Variants in LYPD6B observed in about 807,000 individuals in gnomAD.
LYPD6B encodes ly6/PLAUR domain-containing protein 6B.
LYPD6B carries 17 observed loss-of-function variants against 22.8 expected under a neutral mutation model. That is an observed-to-expected ratio of 0.75 (90% CI 0.51 to 1.12). LYPD6B has a LOEUF of 1.12. Ranked by LOEUF, LYPD6B falls within the 50% of genes most tolerant of loss-of-function variation. The probability of loss-of-function intolerance (pLI) is 0.00; values close to 1 mark genes in which losing one functional copy is unlikely to be tolerated. For synonymous variants in LYPD6B, 106 were observed against 91.6 expected, an observed-to-expected ratio of 1.16 and a Z score of -0.90; for missense variants, 221 against 258.3, an observed-to-expected ratio of 0.86 and a Z score of 0.99.
intron 1 of LYPD6B, among the ~76,000 whole-genome samples, chr2:149,072,033 A>G (rs904786755): frequency 3.3e-5 from 5 of 151,992 alleles, no homozygotes; most frequent in Admixed American, 6.6e-5. Flanking sequence ...CCAGGTTCAC[A>G]TGAGTCTCCT....
chr2:149,146,073 A>G (rs1689001764), intron 2 of LYPD6B, among the ~76,000 whole-genome samples: 1 of 152,216 alleles, frequency 6.6e-6, no homozygotes, highest in Non-Finnish European at 1.5e-5. Flanking sequence ...GATATTCATT[A>G]AGCTTCTATT....
rs576872999 is a variant in LYPD6B, at chr2:149,055,033, T to C, written c.-67+16232T>C. ...GAATTTTATAATTTCAGCTCTTCCA[T>C]GTAGATATTTGATCTATTTTTAGTC... On this transcript the variant is annotated intron_variant, in intron 1 of 6. Transcript: ENST00000409642. Among the ~76,000 whole-genome samples, 11 of 152,330 alleles carry C rather than the reference T, an allele frequency of 7.2e-5. No homozygotes were observed. In the South Asian group the frequency reaches 2.3e-3, roughly 32 times the overall value.
At chr2:149,044,943 C>G (rs1252966664) in intron 1 of LYPD6B, among the ~76,000 whole-genome samples, 1 of 151,964 alleles carries the variant, frequency 6.6e-6, no homozygotes, top group African/African-American at 2.4e-5. Flanking sequence ...CTTACATTCT[C>G]TGGATAAATT....
At chr2:149,059,603 T>C (rs1683977252) in intron 1 of LYPD6B, among the ~76,000 whole-genome samples, 1 of 152,260 alleles carries the variant, frequency 6.6e-6, no homozygotes, top group Admixed American at 6.5e-5. Flanking sequence ...ATTTCTTCAT[T>C]ACGGCGTTGT....
chr2:149,098,627 C>CAAAAAAAAAAA, intron 1 of LYPD6B, among the ~76,000 whole-genome samples: 1 of 83,486 alleles, frequency 1.2e-5, no homozygotes, highest in African/African-American at 4.7e-5. Context: ...AACTCTGTCT[C>CAAAAAAAAAAA]AAAAAAAAAA....
chr2:149,152,972 C>T (rs565087303), intron 2 of LYPD6B, among the ~76,000 whole-genome samples: 7 of 152,268 alleles, frequency 4.6e-5, no homozygotes, highest in Middle Eastern at 3.4e-3. Context: ...ATGGCAAGTG[C>T]TCTAAGGAAG....
chr2:149,107,324 G>T (rs1686528260), intron 1 of LYPD6B, among the ~76,000 whole-genome samples: 1 of 152,160 alleles, frequency 6.6e-6, no homozygotes, highest in African/African-American at 2.4e-5. Flanking sequence ...CTTCCTGGTG[G>T]GATGAAGCTG....
intron 3 of LYPD6B, among the ~76,000 whole-genome samples, chr2:149,185,583 G>T (rs1201598048): frequency 6.6e-6 from 1 of 152,210 alleles, no homozygotes. Context: ...GGCAGAAAGG[G>T]AGGCAAATGA....
chr2:149,154,123 C>A, intron 2 of LYPD6B: 1 of 662,476 alleles, frequency 1.5e-6, no homozygotes, highest in Non-Finnish European at 1.9e-6. Flanking sequence ...CCCCCATCCC[C>A]CCACCCCCCA....
At chr2:149,140,983 C>A (rs1284174358) in intron 2 of LYPD6B, among the ~76,000 whole-genome samples, 1 of 152,172 alleles carries the variant, frequency 6.6e-6, no homozygotes, top group Non-Finnish European at 1.5e-5. Context: ...TTATTTGGTG[C>A]CTACTGTGTG....
intron 1 of LYPD6B, among the ~76,000 whole-genome samples, chr2:149,058,546 G>T (rs1174667398): frequency 6.6e-6 from 1 of 152,190 alleles, no homozygotes; most frequent in African/African-American, 2.4e-5. Flanking sequence ...TGATTATGAG[G>T]CTGTCATTGG....
intron 2 of LYPD6B, among the ~76,000 whole-genome samples, chr2:149,147,356 C>T (rs574684970): frequency 6.6e-6 from 1 of 152,298 alleles, no homozygotes; most frequent in Non-Finnish European, 1.5e-5. Context: ...GAGGGTATCT[C>T]TGAAGGACAG....
chr2:149,183,983 G>A (rs1691927762), intron 3 of LYPD6B, among the ~76,000 whole-genome samples: 1 of 151,882 alleles, frequency 6.6e-6, no homozygotes, highest in Non-Finnish European at 1.5e-5. Context: ...ACCTGAGGTT[G>A]GGAGTTTGAG....
intron 1 of LYPD6B, among the ~76,000 whole-genome samples, chr2:149,127,431 T>C (rs536877871): frequency 2.0e-5 from 3 of 152,300 alleles, no homozygotes; most frequent in African/African-American, 7.2e-5. Flanking sequence ...TCTTGACTTA[T>C]TGCCCAAGTC....
At chr2:149,055,096 T>C (rs185979223) in intron 1 of LYPD6B, among the ~76,000 whole-genome samples, 1 of 152,326 alleles carries the variant, frequency 6.6e-6, no homozygotes, top group African/African-American at 2.4e-5. Context: ...TCCACATTTA[T>C]TCTGTTGCAT....
chr2:149,089,740 T>C (rs1222700436), intron 1 of LYPD6B, among the ~76,000 whole-genome samples: 1 of 152,238 alleles, frequency 6.6e-6, no homozygotes, highest in African/African-American at 2.4e-5. Flanking sequence ...TGGTTTTAAT[T>C]GTTGCTGTGC....
In LYPD6B at chr2:149,095,112, A is replaced by G. The variant is rs547265407; in HGVS notation, c.-66-35771A>G. ...GGAGTTCGTAACCAGCCTGGCCAAC[A>G]TGGTGAAACCTCGTCTCTACTAAAA... On this transcript the variant is annotated intron_variant, in intron 1 of 6. Coordinates refer to ENST00000409642, the MANE Select transcript of LYPD6B (RefSeq NM_177964.5). 3.9e-5 allele frequency among the ~76,000 whole-genome samples: 6 copies of G among 152,268 alleles called. No individual in the cohort carries two copies. In the South Asian group the frequency reaches 1.2e-3, roughly 32 times the overall value.
chr2:149,156,845 C>T (rs1262912379), intron 2 of LYPD6B, among the ~76,000 whole-genome samples: 1 of 152,154 alleles, frequency 6.6e-6, no homozygotes, highest in African/African-American at 2.4e-5. Context: ...AATTCAAGTT[C>T]AATTTCATAA....
At chr2:149,168,330 C>T (rs950320657) in intron 3 of LYPD6B, among the ~76,000 whole-genome samples, 6 of 152,098 alleles carry the variant, frequency 3.9e-5, no homozygotes, top group East Asian at 3.9e-4. Flanking sequence ...CACATGTGCC[C>T]GTCAGGTTCC....
Sources: gnomAD v4.1 joint callset for allele counts (sites outside exome capture counted in the v4.1 genomes callset) on GRCh38, gnomAD v4.1.1 for gene constraint, MANE v1.5 for transcripts, NCBI Gene and HGNC (gene_info 2026-07-23, HGNC 2026-07-21) for gene names.